MYO5C: variants seen among roughly 807,000 people sequenced by gnomAD.
MYO5C encodes the protein myosin VC, also known as unconventional myosin-Vc.
In MYO5C, 194 loss-of-function variants were observed where a neutral mutation model predicts 235.7. The ratio of observed to expected loss-of-function variants is 0.82; its 90% CI spans 0.73 to 0.93. The LOEUF (loss-of-function observed/expected upper bound fraction) is 0.93, where lower values mean the gene tolerates loss of function less well. MYO5C is among the 40% of genes least tolerant of loss of function. The probability of loss-of-function intolerance (pLI) is 0.00; values close to 1 mark genes in which losing one functional copy is unlikely to be tolerated. For synonymous variants in MYO5C, 707 were observed against 754.8 expected, an observed-to-expected ratio of 0.94 and a Z score of 1.04; for missense variants, 2,038 against 2,127.2, an observed-to-expected ratio of 0.96 and a Z score of 0.82.
At chr15:52,278,511 T>G (rs2037096979) in intron 4 of MYO5C, among the ~76,000 whole-genome samples, 1 of 151,640 alleles carries the variant, frequency 6.6e-6, no homozygotes, top group South Asian at 2.1e-4. Flanking sequence ...AAAAACCCTG[T>G]CATCAGATCC....
intron 8 of MYO5C, among the ~76,000 whole-genome samples, chr15:52,267,164 C>T (rs2140836693): frequency 6.6e-6 from 1 of 152,246 alleles, no homozygotes; most frequent in South Asian, 2.1e-4. Flanking sequence ...GGGCAAATGG[C>T]TGCAAATTGC....
Position 52,278,892 on chromosome 15 carries a change from C to A in MYO5C, c.430G>T (p.Ala144Ser), listed in dbSNP as rs748470012. ...DPHIFAVAEEAYKQMARNNRN... is the reference protein window; with the variant it reads ...DPHIFAVAEESYKQMARNNRN... ...AGCTACCTGGCCATCTGCTTGTATG[C>A]CTCTTCTGCCACGGCAAATATGTGT... Residue 144 changes from alanine to serine, a missense_variant, in exon 4 of 41, where the codon GCA becomes TCA. Transcript: ENST00000261839. 3 of 1,613,942 alleles carry A rather than the reference C, an allele frequency of 1.9e-6. No homozygotes were observed. Among genetic ancestry groups the A allele is most frequent in the Non-Finnish European group, 1.7e-6 (2 of 1,179,964 alleles).
At chr15:52,294,726 T>A (rs4516170) in intron 1 of MYO5C, among the ~76,000 whole-genome samples, 1 of 151,746 alleles carries the variant, frequency 6.6e-6, no homozygotes, top group East Asian at 1.9e-4. Context: ...ACTGTCACAC[T>A]CTTTATCCAA....
chr15:52,256,747 A>ATTG, intron 10 of MYO5C, 27 bp from the exon 11 acceptor site: 1 of 1,552,560 alleles, frequency 6.4e-7, no homozygotes, highest in Non-Finnish European at 8.9e-7. Context: ...ACAAGTTAAA[A>ATTG]TATAACCTGA....
chr15:52,200,196 G>A (rs898091529), intron 38 of MYO5C, among the ~76,000 whole-genome samples: 2 of 152,094 alleles, frequency 1.3e-5, no homozygotes, highest in African/African-American at 4.8e-5. Flanking sequence ...AAGCATAGAG[G>A]GTGGTCAGAA....
chr15:52,287,514 C>T (rs1173580469), intron 1 of MYO5C, among the ~76,000 whole-genome samples: 4 of 152,176 alleles, frequency 2.6e-5, no homozygotes, highest in Non-Finnish European at 5.9e-5. Flanking sequence ...ATAATCAGAA[C>T]AATGAATGTT....
intron 6 of MYO5C, among the ~76,000 whole-genome samples, chr15:52,272,270 GC>G (rs1428050250): frequency 6.6e-6 from 1 of 152,194 alleles, no homozygotes; most frequent in African/African-American, 2.4e-5. Flanking sequence ...CAGTCTGTCA[GC>G]TTAGCCTATT....
Position 52,205,149 on chromosome 15 carries a change from T to C in MYO5C, c.4538-2A>G. 1 of 1,613,182 alleles carries C rather than the reference T, an allele frequency of 6.2e-7. No homozygotes were observed. Among genetic ancestry groups the C allele is most frequent in the South Asian group, 1.1e-5 (1 of 91,066 alleles). ...TCTCATACTCCAGCATTCCCGGAAC[T>C]GCGGAGAGACAGGGAGGCTGTGCTG... On this transcript the variant is annotated splice_acceptor_variant, in intron 37 of 40. Transcript: ENST00000261839. LOFTEE classifies it high-confidence loss of function.
intron 38 of MYO5C, among the ~76,000 whole-genome samples, chr15:52,200,820 A>C (rs998112764): frequency 6.6e-6 from 1 of 152,142 alleles, no homozygotes; most frequent in Non-Finnish European, 1.5e-5. Flanking sequence ...AAAAGATATA[A>C]AGTCTCAGAA....
chr15:52,240,265 T>G (rs1348187910), intron 20 of MYO5C, among the ~76,000 whole-genome samples: 4 of 152,050 alleles, frequency 2.6e-5, no homozygotes, highest in African/African-American at 9.7e-5. Flanking sequence ...CTTGTCATAT[T>G]CAACATCAAA....
intron 8 of MYO5C, among the ~76,000 whole-genome samples, chr15:52,266,452 C>T (rs549192678): frequency 2.0e-5 from 3 of 152,312 alleles, no homozygotes; most frequent in South Asian, 2.1e-4. Flanking sequence ...TGCCTCCCCT[C>T]GCGCTTCTCC....
intron 38 of MYO5C, 125 bp from the exon 39 acceptor site, chr15:52,196,608 G>A: frequency 1.2e-6 from 1 of 819,668 alleles, no homozygotes; most frequent in Non-Finnish European, 1.9e-6. Context: ...TTACTCATCT[G>A]CAAAATGAGG....
At chr15:52,252,260 C>T (rs1043311958) in intron 12 of MYO5C, among the ~76,000 whole-genome samples, 3 of 152,102 alleles carry the variant, frequency 2.0e-5, no homozygotes, top group Non-Finnish European at 4.4e-5. Context: ...TTCCATTACA[C>T]GAACATGACC....
intron 38 of MYO5C, among the ~76,000 whole-genome samples, chr15:52,204,579 G>A (rs1032901538): frequency 1.3e-5 from 2 of 152,200 alleles, no homozygotes; most frequent in South Asian, 2.1e-4. Context: ...ACTACTGGTT[G>A]AGTGCATGAC....
chr15:52,283,638 G>C (rs2037203755), intron 1 of MYO5C, among the ~76,000 whole-genome samples: 1 of 152,104 alleles, frequency 6.6e-6, no homozygotes, highest in African/African-American at 2.4e-5. Context: ...AGGTAATTAA[G>C]GTTCAGTGAG....
At position 52,214,764 on chromosome 15, in the gene MYO5C, C is replaced by G. The variant is rs1358873501; in HGVS notation, c.3955-74G>C. ...TATTTTTTTTTTTTTTGGGTAACAG[C>G]TTTATTGACATACAATTTGCATACC... On this transcript the variant is annotated intron_variant, in intron 32 of 40. Transcript: ENST00000261839. The G allele has an allele frequency of 5.6e-6, 5 of 898,730 alleles. No homozygotes were observed. The Admixed American group carries it at 9.1e-5, about 16-fold the overall frequency. The allele number at this position is 898,730 out of a possible 1,614,324, so 55.7% of individuals were successfully genotyped here. A position where few individuals can be genotyped will look rare whatever the true frequency, so the allele number is the denominator to read the frequency against.
intron 13 of MYO5C, among the ~76,000 whole-genome samples, chr15:52,249,824 T>G (rs1328873539): frequency 6.6e-6 from 1 of 152,226 alleles, no homozygotes; most frequent in African/African-American, 2.4e-5. Context: ...TGTGCTGAGC[T>G]GCTACATCTA....
intron 38 of MYO5C, among the ~76,000 whole-genome samples, chr15:52,198,455 G>T (rs2035105082): frequency 6.6e-6 from 1 of 152,142 alleles, no homozygotes; most frequent in Non-Finnish European, 1.5e-5. Context: ...TAGGATAGTG[G>T]GTGTGAGATG....
intron 32 of MYO5C, among the ~76,000 whole-genome samples, chr15:52,215,564 G>A (rs544781887): frequency 6.6e-6 from 1 of 152,216 alleles, no homozygotes; most frequent in East Asian, 1.9e-4. Flanking sequence ...ACCATTCTGT[G>A]TCCCTGGCTA....
Sources: allele counts gnomAD v4.1 joint callset (sites outside exome capture counted in the v4.1 genomes callset), GRCh38; gene constraint gnomAD v4.1.1; transcripts MANE v1.5; gene names NCBI Gene and HGNC (gene_info 2026-07-23, HGNC 2026-07-21).